MACROD2: variants seen among roughly 807,000 people sequenced by gnomAD.
MACROD2 encodes ADP-ribose glycohydrolase MACROD2.
In MACROD2, 36 loss-of-function variants were observed where a neutral mutation model predicts 70.4. That is an observed-to-expected ratio of 0.51 (90% CI 0.39 to 0.68). The LOEUF (loss-of-function observed/expected upper bound fraction) is 0.68. Among genes scored for constraint, MACROD2 ranks in the 30% least tolerant of loss-of-function variants. MACROD2 has a pLI of 0.00. For missense variants in MACROD2, 496 were observed against 538.4 expected (o/e 0.92, Z 0.78); for synonymous variants, 172 against 178.8 (o/e 0.96, Z 0.30).
intron 3 of MACROD2, among the ~76,000 whole-genome samples, chr20:14,275,285 A>C (rs1200319997): frequency 6.6e-6 from 1 of 152,210 alleles, no homozygotes; most frequent in Non-Finnish European, 1.5e-5. Flanking sequence ...AAACAGAGAT[A>C]TAGACCAATG....
intron 8 of MACROD2, among the ~76,000 whole-genome samples, chr20:15,683,854 A>G (rs1274457750): frequency 1.3e-5 from 2 of 152,186 alleles, no homozygotes; most frequent in African/African-American, 4.8e-5. Context: ...TGCTGAGATT[A>G]TAGGTGTGAG....
At chr20:15,154,711 A>G (rs764093008) in intron 5 of MACROD2, among the ~76,000 whole-genome samples, 1 of 152,186 alleles carries the variant, frequency 6.6e-6, no homozygotes, top group Non-Finnish European at 1.5e-5. Flanking sequence ...CACTAAGCCC[A>G]TTCATAAGGG....
At chr20:15,244,897 G>A (rs962168294) in intron 6 of MACROD2, among the ~76,000 whole-genome samples, 1 of 152,112 alleles carries the variant, frequency 6.6e-6, no homozygotes, top group Admixed American at 6.5e-5. Context: ...TTTTTAATTA[G>A]CCTACTGGTT....
chr20:14,082,232 G>A (rs2054007293), intron 2 of MACROD2, among the ~76,000 whole-genome samples: 1 of 126,536 alleles, frequency 7.9e-6, no homozygotes, highest in Non-Finnish European at 1.6e-5. Context: ...AGGCTGGAGT[G>A]CAGTGGCATG....
At chr20:14,151,730 T>TA (rs1236212944) in intron 3 of MACROD2, among the ~76,000 whole-genome samples, 8 of 150,036 alleles carry the variant, frequency 5.3e-5, no homozygotes, top group Non-Finnish European at 8.9e-5. Context: ...GATTCCAGGA[T>TA]AAAAAAATTA....
At chr20:15,068,273 A>G (rs1244772148) in intron 5 of MACROD2, among the ~76,000 whole-genome samples, 2 of 152,218 alleles carry the variant, frequency 1.3e-5, no homozygotes, top group Non-Finnish European at 2.9e-5. Flanking sequence ...GACTTCTAAA[A>G]TATATCACAT....
intron 9 of MACROD2, among the ~76,000 whole-genome samples, chr20:15,873,915 A>T (rs1021521043): frequency 1.2e-4 from 19 of 152,010 alleles, no homozygotes; most frequent in South Asian, 4.2e-4. Flanking sequence ...TATTATTATT[A>T]TTTTTTATTT....
intron 3 of MACROD2, among the ~76,000 whole-genome samples, chr20:14,158,994 T>C (rs1429383581): frequency 6.6e-6 from 1 of 152,164 alleles, no homozygotes; most frequent in Non-Finnish European, 1.5e-5. Context: ...CCCAGCACTT[T>C]GGGAAGCTGA....
chr20:15,669,020 A>G (rs2049941301), intron 8 of MACROD2, among the ~76,000 whole-genome samples: 1 of 152,226 alleles, frequency 6.6e-6, no homozygotes, highest in Non-Finnish European at 1.5e-5. Context: ...AACAGGAAAG[A>G]AATTTAGAGA....
Position 14,326,684 on chromosome 20 carries a change from G to C in MACROD2, c.272-166795G>C, listed in dbSNP as rs745543415. ...AGGTTATTATTGGACATATCCAGTCGATAGAGCTGCCTTAGATAAGAAAAA... is the reference window on the plus strand; with the variant it reads ...AGGTTATTATTGGACATATCCAGTCCATAGAGCTGCCTTAGATAAGAAAAA... On this transcript the variant is annotated intron_variant, in intron 3 of 17. Transcript: ENST00000684519. This position sits in a 1 kb window ranked among gnomAD's most constrained non-coding sequence, Gnocchi z 5.5. The C allele has an allele frequency of 1.9e-6, 3 of 1,613,742 alleles. No homozygotes were observed. The highest frequency in any genetic ancestry group is 2.5e-6 in the Non-Finnish European group (3 of 1,179,828).
chr20:14,285,817 A>T (rs778766934), intron 3 of MACROD2, among the ~76,000 whole-genome samples: 1 of 152,036 alleles, frequency 6.6e-6, no homozygotes, highest in Non-Finnish European at 1.5e-5. Flanking sequence ...CTCTCCCACA[A>T]CTACCAGTGA....
At position 15,097,772 on chromosome 20, in the gene MACROD2, G is replaced by C. The variant is rs540412872; in HGVS notation, c.419-132168G>C. Among the ~76,000 whole-genome samples, 99 of 152,260 alleles carry C rather than the reference G, an allele frequency of 6.5e-4. No individual in the cohort carries two copies. The Middle Eastern group carries it at 0.01, about 16-fold the overall frequency. ...CAGCTGCCATGGAAAGTTAGGGCAA[G>C]GCCAAAACTGTTTATGCTTCATTTC... On this transcript the variant is annotated intron_variant, in intron 5 of 17. Transcript: ENST00000684519.
At chr20:14,879,833 C>T (rs2210050) in intron 5 of MACROD2, among the ~76,000 whole-genome samples, 112,250 of 151,984 alleles carry the variant, frequency 0.74, 42,145 homozygotes, top group East Asian at 0.89. Context: ...AAACAAACTA[C>T]GAAAATAATT....
intron 3 of MACROD2, among the ~76,000 whole-genome samples, chr20:14,132,906 G>T (rs2148700519): frequency 6.6e-6 from 1 of 152,304 alleles, no homozygotes; most frequent in East Asian, 1.9e-4. Context: ...CTCCCAAAGT[G>T]TTGGGATTAT....
intron 5 of MACROD2, among the ~76,000 whole-genome samples, chr20:15,009,823 G>T (rs528739810): frequency 6.9e-6 from 1 of 144,456 alleles, no homozygotes; most frequent in Admixed American, 6.9e-5. Context: ...GCTTAGTTAT[G>T]GATTGTTTTC....
At chr20:15,791,179 A>G (rs962498159) in intron 8 of MACROD2, among the ~76,000 whole-genome samples, 8 of 151,996 alleles carry the variant, frequency 5.3e-5, no homozygotes, top group Non-Finnish European at 1.2e-4. Flanking sequence ...TGGATGCTCA[A>G]TGTTCTCTCC....
chr20:14,520,843 T>C (rs1399112900), intron 4 of MACROD2, among the ~76,000 whole-genome samples: 1 of 152,170 alleles, frequency 6.6e-6, no homozygotes, highest in African/African-American at 2.4e-5. Flanking sequence ...CCTGCTCTAC[T>C]TACCTCCTCC....
rs6042903 is a variant in MACROD2 at position 14,758,037 on chromosome 20, A to G, written c.418+73078A>G. The G allele has an allele frequency of 2.3e-3, 1,569 of 682,432 alleles. 23 individuals carry two copies. The African/African-American group carries it at 0.025, about 11-fold the overall frequency. 42.3% of individuals were successfully genotyped at this position (682,432 alleles called of 1,614,324 possible). ...TTTAGAGGCGAATTTGGTCATGGAC[A>G]TGGTCGGCCACCTCAATAAATTTGG... On this transcript the variant is annotated intron_variant, in intron 5 of 17. Coordinates refer to ENST00000684519, the MANE Select transcript of MACROD2 (RefSeq NM_001351661.2).
rs549489623 is a variant in MACROD2, at chr20:15,261,621, G to A, written c.540+31560G>A. The stretch of plus-strand genomic sequence containing the variant: ...TTGGGTCCTTTTACATGAACAGCAA[G>A]ACTGATGCTTTTTGAAGAAAAGTCT... On this transcript the variant is annotated intron_variant, in intron 6 of 17. Transcript: ENST00000684519. 2.3e-4 allele frequency among the ~76,000 whole-genome samples: 35 copies of A among 152,054 alleles called. No individual in the cohort carries two copies. In the South Asian group the frequency reaches 7.3e-3, roughly 32 times the overall value.
Sources: allele counts gnomAD v4.1 joint callset (sites outside exome capture counted in the v4.1 genomes callset), GRCh38; gene constraint gnomAD v4.1.1; non-coding constraint Gnocchi (gnomAD v3.1); transcripts MANE v1.5; gene names NCBI Gene and HGNC (gene_info 2026-07-23, HGNC 2026-07-21).